REV3L: variants seen among roughly 807,000 people sequenced by gnomAD.
REV3L encodes REV3 like, DNA directed polymerase zeta catalytic subunit, also known as DNA polymerase zeta catalytic subunit.
In REV3L, 69 loss-of-function variants were observed where a neutral mutation model predicts 299.4. The observed-to-expected ratio is 0.23, with a 90% confidence interval of 0.19 to 0.28. The LOEUF is 0.28. REV3L is among the 10% of genes least tolerant of loss of function. The pLI is 1.00. For synonymous variants in REV3L, 1,238 were observed against 1,271.4 expected (o/e 0.97, Z 0.56); for missense variants, 3,128 against 3,693.8 (o/e 0.85, Z 3.97).
intron 3 of REV3L, among the ~76,000 whole-genome samples, chr6:111,409,223 A>T (rs545344634): frequency 6.6e-6 from 1 of 152,350 alleles, no homozygotes; most frequent in South Asian, 2.1e-4. Context: ...TATGGAGTTG[A>T]AAAAGAAAAT....
chr6:111,468,626 T>C (rs1452132754), intron 1 of REV3L, among the ~76,000 whole-genome samples: 1 of 152,214 alleles, frequency 6.6e-6, no homozygotes, highest in African/African-American at 2.4e-5. Flanking sequence ...TTTGAGAACA[T>C]AATCTTGATG....
At chr6:111,338,311 C>CTTTTTTTTTTTTTTTTTTTTTTTTT (rs1776115188) in intron 21 of REV3L, among the ~76,000 whole-genome samples, 1 of 49,034 alleles carries the variant, frequency 2.0e-5, no homozygotes, top group African/African-American at 1.2e-4. Context: ...AGTCTAAAGT[C>CTTTTTTTTTTTTTTTTTTTTTTTTT]CTTTTTTTTT....
intron 22 of REV3L, 36 bp downstream of exon 22, chr6:111,335,433 A>T: frequency 6.3e-7 from 1 of 1,593,224 alleles, no homozygotes; most frequent in East Asian, 2.3e-5. Flanking sequence ...TCACTCATAC[A>T]GAACTTTCAA....
chr6:111,441,965 C>T (rs1338960044), intron 1 of REV3L, among the ~76,000 whole-genome samples: 3 of 152,142 alleles, frequency 2.0e-5, no homozygotes, highest in African/African-American at 7.2e-5. Flanking sequence ...GGGGGTGTGA[C>T]CGTCACAAGT....
intron 1 of REV3L, among the ~76,000 whole-genome samples, chr6:111,477,175 T>C (rs990501889): frequency 2.6e-5 from 4 of 152,198 alleles, no homozygotes; most frequent in Non-Finnish European, 5.9e-5. Flanking sequence ...TATGCAACCA[T>C]TTGCCAATTG....
chr6:111,328,422 C>G (rs1775057702), intron 25 of REV3L, among the ~76,000 whole-genome samples: 1 of 152,040 alleles, frequency 6.6e-6, no homozygotes, highest in Non-Finnish European at 1.5e-5. Context: ...TTTGGACAAG[C>G]CAACATAACT....
chr6:111,467,922 AACAC>A (rs1400893852), intron 1 of REV3L, among the ~76,000 whole-genome samples: 1 of 151,964 alleles, frequency 6.6e-6, no homozygotes, highest in Non-Finnish European at 1.5e-5. Context: ...CACACACACA[AACAC>A]ACACACAATG....
chr6:111,307,605 C>A, intron 30 of REV3L, 35 bp from the exon 31 acceptor site: 1 of 1,589,724 alleles, frequency 6.3e-7, no homozygotes, highest in South Asian at 1.1e-5. Flanking sequence ...AAGCCTGAGT[C>A]AGCTTCACAG....
chr6:111,447,964 C>A (rs902140900), intron 1 of REV3L, among the ~76,000 whole-genome samples: 7 of 152,088 alleles, frequency 4.6e-5, no homozygotes, highest in Non-Finnish European at 1.0e-4. Context: ...ACACAAAATC[C>A]TTACTTTAAA....
intron 1 of REV3L, among the ~76,000 whole-genome samples, chr6:111,463,377 T>C (rs1246325744): frequency 6.6e-6 from 1 of 152,180 alleles, no homozygotes; most frequent in Non-Finnish European, 1.5e-5. Flanking sequence ...AATAAAGAGA[T>C]TCAATTTAGA....
In REV3L at chr6:111,307,545, C is replaced by G; in HGVS notation, c.9068G>C (p.Arg3023Pro). The G allele has an allele frequency of 1.2e-6, 2 of 1,614,164 alleles. No homozygotes were observed. Among genetic ancestry groups the G allele is most frequent in the Non-Finnish European group, 1.7e-6 (2 of 1,180,038 alleles). Residue 3023 changes from arginine to proline, a missense_variant, in exon 31 of 32, where the codon CGA becomes CCA. Around this residue, in one of 9 missense-constraint regions of REV3L, gnomAD observed 294 missense variants for 377.0 expected, o/e 0.78. Transcript: ENST00000368802. ...GCCTTTCCGCCCTTCAGGTTCACTT[C>G]GCGAGGAGCTGGTAGCTTTATGGAT... is the stretch of plus-strand genomic sequence containing the variant. ...PRIHKATSSS[R>P]SEPEGRKGTI...
At chr6:111,348,466 T>C (rs1355421561) in intron 20 of REV3L, among the ~76,000 whole-genome samples, 1 of 152,218 alleles carries the variant, frequency 6.6e-6, no homozygotes, top group Non-Finnish European at 1.5e-5. Flanking sequence ...TGTCTCTTTA[T>C]CTTATTAATC....
intron 26 of REV3L, among the ~76,000 whole-genome samples, chr6:111,318,278 G>A (rs1035992605): frequency 8.6e-5 from 13 of 151,500 alleles, no homozygotes; most frequent in Admixed American, 5.3e-4. Flanking sequence ...TAGTAGAGAC[G>A]GGGTTTCACC....
In REV3L at chr6:111,390,071, T is replaced by A. The variant is rs759335888; in HGVS notation, c.757+15A>T. 1.3e-6 allele frequency: 2 copies of A among 1,538,860 alleles called. No homozygotes were observed. The highest frequency in any genetic ancestry group is 3.3e-5 in the Admixed American group (2 of 59,748). On this transcript the variant is annotated intron_variant, in intron 6 of 31. Coordinates refer to ENST00000368802, the MANE Select transcript of REV3L (RefSeq NM_001372078.1). Reference sequence around the variant, plus strand: ...AAAAAATAAAAACATATATTAAGAATAATTGTGTATGAACCTTCAATGTCC... The same window carrying A: ...AAAAAATAAAAACATATATTAAGAAAAATTGTGTATGAACCTTCAATGTCC...
At chr6:111,460,794 T>C (rs1217200665) in intron 1 of REV3L, among the ~76,000 whole-genome samples, 1 of 152,130 alleles carries the variant, frequency 6.6e-6, no homozygotes, top group Admixed American at 6.6e-5. Flanking sequence ...TGCAGTCATG[T>C]ACTGCATAAT....
intron 4 of REV3L, among the ~76,000 whole-genome samples, chr6:111,395,704 T>C (rs1782424042): frequency 6.6e-6 from 1 of 152,180 alleles, no homozygotes; most frequent in African/African-American, 2.4e-5. Flanking sequence ...CTGATTGCTA[T>C]GGCTAGAATT....
At chr6:111,304,586 CATT>C (rs917080158) in intron 31 of REV3L, among the ~76,000 whole-genome samples, 1 of 150,294 alleles carries the variant, frequency 6.7e-6, no homozygotes, top group Admixed American at 6.6e-5. Context: ...GACAAACCAT[CATT>C]ATTTATAAAT....
intron 1 of REV3L, among the ~76,000 whole-genome samples, chr6:111,457,254 T>C (rs1439893931): frequency 2.6e-5 from 4 of 152,060 alleles, no homozygotes; most frequent in Admixed American, 1.3e-4. Context: ...CCAAATTAAA[T>C]ATATAACAGT....
At chr6:111,368,129 A>T in intron 13 of REV3L, 101 bp from the exon 14 acceptor site, 1 of 982,466 alleles carries the variant, frequency 1.0e-6, no homozygotes. Flanking sequence ...AGTCTCAAAA[A>T]TGTCCATGTC....
Sources: gnomAD v4.1 joint callset for allele counts (sites outside exome capture counted in the v4.1 genomes callset) on GRCh38, gnomAD v4.1.1 for gene constraint, gnomAD v4.1.1 regional missense constraint, MANE v1.5 for transcripts, NCBI Gene and HGNC (gene_info 2026-07-23, HGNC 2026-07-21) for gene names.